Variants in RTN1 observed in about 807,000 individuals in gnomAD.
RTN1 encodes reticulon 1.
Under a neutral mutation model 65.5 loss-of-function variants are expected in RTN1, and 25 were observed. That is an observed-to-expected ratio of 0.38 (90% CI 0.28 to 0.53). RTN1 has a LOEUF of 0.53. Ranked by LOEUF, RTN1 falls within the 20% of genes least tolerant of loss-of-function variation. The probability of loss-of-function intolerance (pLI) is 0.79; values close to 1 mark genes in which losing one functional copy is unlikely to be tolerated. For synonymous variants in RTN1, 471 were observed against 447.6 expected (o/e 1.05, Z -0.66); for missense variants, 983 against 1,025.4 (o/e 0.96, Z 0.57).
At chr14:59,859,189 T>C (rs2070365664) in intron 1 of RTN1, among the ~76,000 whole-genome samples, 2 of 152,250 alleles carry the variant, frequency 1.3e-5, no homozygotes, top group Non-Finnish European at 2.9e-5. Flanking sequence ...ATGGCTTGAC[T>C]GTGTCCCCAC....
chr14:59,736,786 C>T (rs1283621174), intron 2 of RTN1, among the ~76,000 whole-genome samples: 1 of 152,192 alleles, frequency 6.6e-6, no homozygotes, highest in Non-Finnish European at 1.5e-5. Context: ...CAATAAAATA[C>T]TGGCAAACTG....
chr14:59,749,995 A>ATATTATATATTATATACATATATAT lies in RTN1; in HGVS notation c.242-3515_242-3514insATATATATGTATATAATATATAATA, dbSNP rs1362103823. Among the ~76,000 whole-genome samples, 12 of 62,096 alleles carry ATATTATATATTATATACATATATAT rather than the reference A, an allele frequency of 1.9e-4. No individual in the cohort carries two copies. The East Asian group carries it at 3.5e-3, about 18-fold the overall frequency. The allele number at this position is 62,096 out of a possible 152,430, so 40.7% of individuals were successfully genotyped here. On this transcript the variant is annotated intron_variant, in intron 1 of 8. Coordinates refer to ENST00000267484, the MANE Select transcript of RTN1 (RefSeq NM_021136.3). ...TACATATATTATATATTATATACAT[A>ATATTATATATTATATACATATATAT]TATATTATATACATATATATTATAT...
rs780106961 is a variant in RTN1 at position 59,849,796 on chromosome 14, T to A, written c.241+20594A>T. ...GCCAAGAACTCCCACTCTCACTTAC[T>A]CCAGGTTCTAGAATTTAGCCAAGTC... On this transcript the variant is annotated intron_variant, in intron 1 of 8. Transcript: ENST00000267484. The surrounding 1 kb of genome is among the most constrained non-coding windows in gnomAD (Gnocchi z 4.5). Among the ~76,000 whole-genome samples the A allele has an allele frequency of 2.0e-5, 3 of 152,232 alleles. No homozygotes were observed. The highest frequency in any genetic ancestry group is 4.4e-5 in the Non-Finnish European group (3 of 68,042).
In RTN1 at chr14:59,816,708, C is replaced by T. The variant is rs1012195556; in HGVS notation, c.241+53682G>A. 1.3e-5 allele frequency among the ~76,000 whole-genome samples: 2 copies of T among 152,040 alleles called. No homozygotes were observed. The highest frequency in any genetic ancestry group is 2.9e-5 in the Non-Finnish European group (2 of 67,992). ...CAGCACTTTAGGAGGCCGAGGCTGG[C>T]GAATCACTTGAGTCCACGAGTTCAA... On this transcript the variant is annotated intron_variant, in intron 1 of 8. Coordinates refer to ENST00000267484, the MANE Select transcript of RTN1 (RefSeq NM_021136.3). This position sits in a 1 kb window ranked among gnomAD's most constrained non-coding sequence, Gnocchi z 4.3.
intron 3 of RTN1, among the ~76,000 whole-genome samples, chr14:59,663,076 C>A (rs1305366024): frequency 6.6e-6 from 1 of 152,110 alleles, no homozygotes; most frequent in Non-Finnish European, 1.5e-5. Context: ...GATATATAGA[C>A]TAATGGAACA....
At chr14:59,616,989 T>G (rs1186407798) in intron 3 of RTN1, among the ~76,000 whole-genome samples, 1 of 152,248 alleles carries the variant, frequency 6.6e-6, no homozygotes, top group Non-Finnish European at 1.5e-5. Flanking sequence ...CCTCTCTACC[T>G]AATTTCTCCA....
At position 59,870,414 on chromosome 14, in the gene RTN1, C is replaced by T; in HGVS notation, c.217G>A (p.Val73Ile). The change falls in exon 1 of 9, where the codon GTT becomes ATT. Residue 73 changes from valine (V) to isoleucine (I), a missense_variant. Physicochemically the swap from Val to Ile is conservative, Grantham distance 29. Around this residue, in one of 2 missense-constraint regions of RTN1, gnomAD observed 818 missense variants for 801.8 expected, o/e 1.02. Coordinates refer to ENST00000267484, the MANE Select transcript of RTN1 (RefSeq NM_021136.3). This position sits in a 1 kb window ranked among gnomAD's most constrained non-coding sequence, Gnocchi z 5.1. ...CCTGTGGATGCAGTTTCCATGGCAA[C>T]GGGCGACTGCCGGGCGGGGCCCGAG... ...AGSGPARQSP[V>I]AMETASTGVA... 6.6e-7 allele frequency: 1 copy of T among 1,523,680 alleles called. No homozygotes were observed. The highest frequency in any genetic ancestry group is 8.7e-7 in the Non-Finnish European group (1 of 1,147,738). 94.4% of individuals were successfully genotyped at this position (1,523,680 alleles called of 1,614,324 possible).
At chr14:59,666,884 A>C (rs1411872362) in intron 3 of RTN1, among the ~76,000 whole-genome samples, 1 of 151,250 alleles carries the variant, frequency 6.6e-6, no homozygotes, top group Non-Finnish European at 1.5e-5. Flanking sequence ...TCCCAAGACT[A>C]AACCAGGAAG....
chr14:59,748,241 A>T (rs1217544582), intron 1 of RTN1, among the ~76,000 whole-genome samples: 2 of 130,832 alleles, frequency 1.5e-5, no homozygotes, highest in South Asian at 2.3e-4. Flanking sequence ...GGGAATATTT[A>T]CTCAGCATTA....
At chr14:59,842,986 A>G (rs1292783530) in intron 1 of RTN1, among the ~76,000 whole-genome samples, 1 of 152,224 alleles carries the variant, frequency 6.6e-6, no homozygotes, top group Non-Finnish European at 1.5e-5. Context: ...ACTCCTAGGT[A>G]CATACTCAAG....
chr14:59,670,236 A>G (rs765874475), intron 3 of RTN1, among the ~76,000 whole-genome samples: 6 of 152,246 alleles, frequency 3.9e-5, no homozygotes, highest in Non-Finnish European at 7.3e-5. Flanking sequence ...AGCAAGGACC[A>G]GAATTAGATT....
At position 59,745,884 on chromosome 14, in the gene RTN1, G is replaced by A. The variant is rs1885208170; in HGVS notation, c.839C>T (p.Pro280Leu). The A allele has an allele frequency of 7.4e-6, 12 of 1,614,012 alleles. No individual in the cohort carries two copies. The highest frequency in any genetic ancestry group is 2.7e-5 in the African/African-American group (2 of 74,908). The change falls in exon 2 of 9, where the codon CCT becomes CTT. Residue 280 changes from proline (P) to leucine (L), a missense_variant. Pro to Leu is a moderately conservative substitution (Grantham distance 98, BLOSUM62 -3). Transcript: ENST00000267484. ...TATTTCCGTCAGTGTGATTTTGACA[G>A]GGGTGGTGATCTGAGGAGCCCTGCG... ...EQRRAPQITT[P>L]VKITLTEIEP...
At chr14:59,811,060 A>G (rs117607695) in intron 1 of RTN1, among the ~76,000 whole-genome samples, 3,236 of 152,284 alleles carry the variant, frequency 0.021, 46 homozygotes, top group Middle Eastern at 0.065. Context: ...AATATCAAAT[A>G]TATGGATTGG....
chr14:59,628,147 C>T (rs1053739130), intron 3 of RTN1, among the ~76,000 whole-genome samples: 17 of 152,104 alleles, frequency 1.1e-4, no homozygotes, highest in African/African-American at 3.9e-4. Flanking sequence ...CCAGCCTGGG[C>T]AACATAGTGA....
chr14:59,724,731 A>G (rs1884722229), intron 3 of RTN1, among the ~76,000 whole-genome samples: 1 of 152,020 alleles, frequency 6.6e-6, no homozygotes, highest in South Asian at 2.1e-4. Context: ...AGACGAAAAA[A>G]AAAAAAAACA....
In RTN1 at chr14:59,732,928, G is replaced by A. The variant is rs542864194; in HGVS notation, c.1016-5260C>T. Among the ~76,000 whole-genome samples the A allele has an allele frequency of 1.5e-3, 221 of 152,224 alleles. 1 individual carries two copies. The highest frequency in any genetic ancestry group is 1.8e-3 in the Non-Finnish European group (121 of 68,012). On this transcript the variant is annotated intron_variant, in intron 2 of 8. Transcript: ENST00000267484. ...AGAGCCTGCCTGAGACTGCATTGGA[G>A]CCCCCCGGTGGGAGTGGGGGTCACC...
rs1566711258 is a variant in RTN1, at chr14:59,749,248, CTATATATCTATATATATCTA to C, written c.242-2787_242-2768del. 9.4e-4 allele frequency among the ~76,000 whole-genome samples: 30 copies of C among 32,062 alleles called. 8 individuals are homozygous for C. Among genetic ancestry groups the C allele is most frequent in the African/African-American group, 5.8e-3 (27 of 4,682 alleles). The allele number at this position is 32,062 out of a possible 152,430, so 21.0% of individuals were successfully genotyped here. A position where few individuals can be genotyped will look rare whatever the true frequency, so the allele number is the denominator to read the frequency against. ...TATATCTATATATATCTATATATAT[CTATATATCTATATATATCTA>C]TATATATATCTATATATATCTATAT... is the stretch of plus-strand genomic sequence containing the variant. On this transcript the variant is annotated intron_variant, in intron 1 of 8. Coordinates refer to ENST00000267484, the MANE Select transcript of RTN1 (RefSeq NM_021136.3).
At position 59,746,073 on chromosome 14, in the gene RTN1, T is replaced by A. The variant is rs758869581; in HGVS notation, c.650A>T (p.Asp217Val). Residue 217 changes from aspartate (D) to valine (V), a missense_variant, in exon 2 of 9, where the codon GAT becomes GTT. Around this residue, in one of 2 missense-constraint regions of RTN1, gnomAD observed 818 missense variants for 801.8 expected, o/e 1.02. Coordinates refer to ENST00000267484, the MANE Select transcript of RTN1 (RefSeq NM_021136.3). The stretch of plus-strand genomic sequence containing the variant: ...TTTATTCTTAAAGTCCAAGTCTTTA[T>A]CTTCCAGCTCGGGGTGATGTTGTTC... ...HQEQHHPELE[D>V]KDLDFKNKDT... 2 of 1,614,194 alleles carry A rather than the reference T, an allele frequency of 1.2e-6. No homozygotes were observed. The highest frequency in any genetic ancestry group is 2.2e-5 in the South Asian group (2 of 91,074).
At chr14:59,833,568 A>G (rs1566742077) in intron 1 of RTN1, among the ~76,000 whole-genome samples, 1 of 152,074 alleles carries the variant, frequency 6.6e-6, no homozygotes, top group African/African-American at 2.4e-5. Context: ...GGGTACATGT[A>G]CAGGTTTCTT....
Sources: gnomAD v4.1 joint callset for allele counts (sites outside exome capture counted in the v4.1 genomes callset) on GRCh38, gnomAD v4.1.1 for gene constraint, gnomAD v4.1.1 regional missense constraint, Gnocchi (gnomAD v3.1) non-coding constraint, MANE v1.5 for transcripts, NCBI Gene and HGNC (gene_info 2026-07-23, HGNC 2026-07-21) for gene names.